PAIP2: variants seen among roughly 807,000 people sequenced by gnomAD.
The protein encoded by PAIP2 is polyadenylate-binding protein-interacting protein 2.
In PAIP2, 7 loss-of-function variants were observed where a neutral mutation model predicts 14.8. The observed-to-expected ratio is 0.47, with a 90% CI of 0.27 to 0.89. PAIP2 has a LOEUF of 0.89. PAIP2 is among the 40% of genes least tolerant of loss of function. The pLI, the probability that PAIP2 is intolerant of heterozygous loss-of-function variation, is 0.13. For missense variants in PAIP2, 122 were observed against 154.7 expected (o/e 0.79, Z 1.12); for synonymous variants, 47 against 45.3 (o/e 1.04, Z -0.15).
rs113888666 is a variant in PAIP2, at chr5:139,350,663, G to T, written c.-27+8683G>T. Among the ~76,000 whole-genome samples the T allele has an allele frequency of 2.0e-3, 305 of 151,450 alleles. 1 individual carries two copies. Among genetic ancestry groups the T allele is most frequent in the African/African-American group, 7.1e-3 (294 of 41,356 alleles). ...TAAATAAATAAATAAATAAAAAATT[G>T]AAATAGTTGAGGTTGAAAGATCATA... On this transcript the variant is annotated intron_variant, in intron 1 of 3. Coordinates refer to ENST00000265192, the MANE Select transcript of PAIP2 (RefSeq NM_016480.5).
chr5:139,360,778 T>C (rs1394326996), intron 1 of PAIP2, among the ~76,000 whole-genome samples: 1 of 125,534 alleles, frequency 8.0e-6, no homozygotes, highest in African/African-American at 3.0e-5. Context: ...CCTGCCTTTC[T>C]TTTTTTTTTT....
At chr5:139,349,316 T>G (rs1756654840) in intron 1 of PAIP2, among the ~76,000 whole-genome samples, 1 of 152,178 alleles carries the variant, frequency 6.6e-6, no homozygotes, top group Non-Finnish European at 1.5e-5. Flanking sequence ...TGGTGTGATC[T>G]TAGCTCACTG....
intron 1 of PAIP2, among the ~76,000 whole-genome samples, chr5:139,360,312 T>C (rs193146430): frequency 6.6e-6 from 1 of 152,268 alleles, no homozygotes; most frequent in African/African-American, 2.4e-5. Context: ...CAAAACTTGC[T>C]ATCAAAATAG....
intron 1 of PAIP2, among the ~76,000 whole-genome samples, chr5:139,343,899 G>T (rs1051669612): frequency 6.6e-6 from 1 of 151,934 alleles, no homozygotes; most frequent in Non-Finnish European, 1.5e-5. Flanking sequence ...TGTATTTTTA[G>T]TAGAGACAGG....
chr5:139,366,957 G>A (rs983951645), intron 3 of PAIP2, among the ~76,000 whole-genome samples: 2 of 152,222 alleles, frequency 1.3e-5, no homozygotes, highest in African/African-American at 2.4e-5. Flanking sequence ...GTACTTGGGA[G>A]GCAGAGGCCA....
intron 2 of PAIP2, 97 bp downstream of exon 2, chr5:139,364,019 A>G: frequency 9.4e-7 from 1 of 1,062,666 alleles, no homozygotes; most frequent in East Asian, 2.4e-5. Context: ...CTTTATGTAT[A>G]AAGTATGTAG....
At chr5:139,348,819 A>G (rs1756637691) in intron 1 of PAIP2, among the ~76,000 whole-genome samples, 1 of 151,888 alleles carries the variant, frequency 6.6e-6, no homozygotes, top group African/African-American at 2.4e-5. Flanking sequence ...CTGGGATTAC[A>G]GGTGCCTGCC....
At chr5:139,363,723 G>C in intron 1 of PAIP2, 36 bp from the exon 2 acceptor site, 1 of 1,578,836 alleles carries the variant, frequency 6.3e-7, no homozygotes. Context: ...AACCCTGAAT[G>C]AGTAAGTAAA....
In PAIP2 at chr5:139,369,176, A is replaced by T. The variant is rs1331050090; in HGVS notation, c.*378A>T. The stretch of plus-strand genomic sequence containing the variant: ...TTAATTTGAGTTCCAACTGTTAAGC[A>T]TATTTCTCAGACTTAAATTTGATTA... On this transcript the variant is annotated 3_prime_UTR_variant, in exon 4 of 4. Transcript: ENST00000265192. 1 of 158,868 alleles carries T rather than the reference A, an allele frequency of 6.3e-6. No homozygotes were observed. Among genetic ancestry groups the T allele is most frequent in the Non-Finnish European group, 1.4e-5 (1 of 72,418 alleles). 9.8% of individuals were successfully genotyped at this position (158,868 alleles called of 1,614,324 possible). A position where few individuals can be genotyped will look rare whatever the true frequency, so the allele number is the denominator to read the frequency against.
intron 1 of PAIP2, among the ~76,000 whole-genome samples, chr5:139,352,659 CAG>C (rs1561959178): frequency 6.6e-6 from 1 of 150,682 alleles, no homozygotes; most frequent in Non-Finnish European, 1.5e-5. Flanking sequence ...TTAGTAGAGA[CAG>C]GGTTTCTCCA....
chr5:139,364,855 G>T, intron 3 of PAIP2, 112 bp downstream of exon 3: 1 of 721,026 alleles, frequency 1.4e-6, no homozygotes, highest in Non-Finnish European at 2.2e-6. Flanking sequence ...CAGAAATTGT[G>T]CTGCTTCTGG....
intron 1 of PAIP2, chr5:139,342,457 A>C (rs1012537934): frequency 6.6e-6 from 1 of 151,590 alleles, no homozygotes; most frequent in Admixed American, 6.6e-5. Context: ...GTTTGGGGAG[A>C]GAGGGGCGGA....
intron 1 of PAIP2, among the ~76,000 whole-genome samples, 178 bp from the exon 2 acceptor site, chr5:139,363,581 G>T (rs1757134251): frequency 6.6e-6 from 1 of 151,926 alleles, no homozygotes; most frequent in African/African-American, 2.4e-5. Context: ...CAGCCGGGTG[G>T]TGTGGTGGTG....
intron 1 of PAIP2, among the ~76,000 whole-genome samples, chr5:139,354,155 A>G (rs1347937011): frequency 1.3e-5 from 2 of 152,118 alleles, no homozygotes; most frequent in Non-Finnish European, 2.9e-5. Context: ...ATGTCTGTAG[A>G]GTTCTTTCAT....
intron 3 of PAIP2, 111 bp from the exon 4 acceptor site, chr5:139,368,622 G>C (rs939316793): frequency 1.4e-6 from 1 of 730,506 alleles, no homozygotes; most frequent in Admixed American, 2.4e-5. Flanking sequence ...CTTACAGACT[G>C]AGTTCTTTTG....
chr5:139,357,005 AAG>A (rs1166258441), intron 1 of PAIP2, among the ~76,000 whole-genome samples: 14 of 152,128 alleles, frequency 9.2e-5, no homozygotes, highest in Non-Finnish European at 1.5e-4. Context: ...CCTTTTCTGA[AAG>A]AGTTTAGTAA....
intron 1 of PAIP2, among the ~76,000 whole-genome samples, chr5:139,352,173 A>G (rs902837183): frequency 6.7e-6 from 1 of 150,012 alleles, no homozygotes; most frequent in African/African-American, 2.4e-5. Context: ...AAATCTGAAA[A>G]AAAAAAAAAC....
At chr5:139,343,070 T>G (rs1029290755) in intron 1 of PAIP2, 1 of 152,250 alleles carries the variant, frequency 6.6e-6, no homozygotes, top group African/African-American at 2.4e-5. Context: ...TATATTTTCA[T>G]TAAGTCGCTT....
intron 1 of PAIP2, chr5:139,343,193 A>ACCTGTCTTT (rs2152042501): frequency 6.6e-6 from 1 of 152,344 alleles, no homozygotes; most frequent in Non-Finnish European, 1.5e-5. Context: ...TTAGTGAAAG[A>ACCTGTCTTT]CAGGATATTT....
Sources: allele counts gnomAD v4.1 joint callset (sites outside exome capture counted in the v4.1 genomes callset), GRCh38; gene constraint gnomAD v4.1.1; transcripts MANE v1.5; gene names NCBI Gene and HGNC (gene_info 2026-07-23, HGNC 2026-07-21).